Variants in CAMTA1 observed in about 807,000 individuals in gnomAD.
CAMTA1 encodes the protein calmodulin-binding transcription activator 1.
A neutral mutation model predicts 170.9 loss-of-function variants in CAMTA1; 27 were observed. The ratio of observed to expected loss-of-function variants is 0.16; its 90% CI spans 0.12 to 0.22. The LOEUF (loss-of-function observed/expected upper bound fraction) is 0.22, where lower values mean the gene tolerates loss of function less well. Ranked by LOEUF, CAMTA1 falls within the 10% of genes least tolerant of loss-of-function variation. The pLI is 1.00. For synonymous variants in CAMTA1, 833 were observed against 891.5 expected, an observed-to-expected ratio of 0.93 and a Z score of 1.17; for missense variants, 1,619 against 2,217.2, an observed-to-expected ratio of 0.73 and a Z score of 5.42.
chr1:6,822,471 G>A (rs1030569493), intron 2 of CAMTA1, among the ~76,000 whole-genome samples: 18 of 152,066 alleles, frequency 1.2e-4, no homozygotes, highest in African/African-American at 4.3e-4. Flanking sequence ...TCCTTATAAT[G>A]TAGTAGGAAA....
At chr1:7,204,712 T>C (rs560243430) in intron 4 of CAMTA1, among the ~76,000 whole-genome samples, 14 of 152,046 alleles carry the variant, frequency 9.2e-5, no homozygotes, top group African/African-American at 3.4e-4. Flanking sequence ...TTGCCAATAT[T>C]CTATCTAGTT....
rs2095305580 is a variant in CAMTA1 at position 7,585,859 on chromosome 1, C to T, written c.511-54541C>T. Among the ~76,000 whole-genome samples, 1 of 151,980 alleles carries T rather than the reference C, an allele frequency of 6.6e-6. No homozygotes were observed. The highest frequency in any genetic ancestry group is 6.5e-5 in the Admixed American group (1 of 15,286). On this transcript the variant is annotated intron_variant, in intron 6 of 22. Transcript: ENST00000303635. The surrounding 1 kb of genome is among the most constrained non-coding windows in gnomAD (Gnocchi z 4.8). ...ACTCAGCCCCCACCTCCCCTGCCTC[C>T]CACCTCCCCTCTCGATGCGGCTTTC... is the stretch of plus-strand genomic sequence containing the variant.
chr1:7,291,807 C>T (rs1673178720), intron 5 of CAMTA1, among the ~76,000 whole-genome samples: 1 of 152,228 alleles, frequency 6.6e-6, no homozygotes. Context: ...CATTTGGCTT[C>T]TTAGCTGAAA....
chr1:6,878,516 T>C (rs970561892), intron 3 of CAMTA1, among the ~76,000 whole-genome samples: 7 of 152,258 alleles, frequency 4.6e-5, no homozygotes, highest in African/African-American at 1.7e-4. Flanking sequence ...AAGTGACTTG[T>C]ACCTGCCTGC....
intron 4 of CAMTA1, among the ~76,000 whole-genome samples, chr1:7,137,647 C>T (rs1027867643): frequency 6.6e-6 from 1 of 152,200 alleles, no homozygotes; most frequent in Non-Finnish European, 1.5e-5. Context: ...AAGCTTGAAC[C>T]CTGCACTCCT....
intron 5 of CAMTA1, among the ~76,000 whole-genome samples, chr1:7,392,573 A>AT (rs1156299348): frequency 1.1e-4 from 8 of 71,938 alleles, no homozygotes; most frequent in African/African-American, 2.3e-4. Context: ...CATCTTTACA[A>AT]TTTTTTTTTA....
intron 4 of CAMTA1, among the ~76,000 whole-genome samples, chr1:7,122,053 G>A (rs1644674021): frequency 1.3e-5 from 2 of 152,022 alleles, no homozygotes; most frequent in East Asian, 1.9e-4. Context: ...GCAGGGATGG[G>A]CTTGAGGCTG....
chr1:7,433,129 C>T (rs528968523), intron 5 of CAMTA1, among the ~76,000 whole-genome samples: 2 of 152,360 alleles, frequency 1.3e-5, no homozygotes, highest in African/African-American at 4.8e-5. Context: ...TTGCCTGCCT[C>T]CTGCTCATGG....
At chr1:7,691,790 G>A (rs771730272) in intron 11 of CAMTA1, among the ~76,000 whole-genome samples, 7 of 152,206 alleles carry the variant, frequency 4.6e-5, no homozygotes, top group South Asian at 2.1e-4. Context: ...CTGCGTGGAG[G>A]TGGCACTGAA....
chr1:7,684,623 C>T (rs151253727), intron 11 of CAMTA1, among the ~76,000 whole-genome samples: 16 of 152,324 alleles, frequency 1.1e-4, no homozygotes, highest in Non-Finnish European at 1.3e-4. Flanking sequence ...TGTGTCCCTA[C>T]TTTCTTTTAA....
chr1:6,880,815 T>C (rs766354099), intron 3 of CAMTA1, among the ~76,000 whole-genome samples: 1 of 152,202 alleles, frequency 6.6e-6, no homozygotes, highest in Admixed American at 6.5e-5. Context: ...TAAATACTTA[T>C]TGAATACCGA....
intron 5 of CAMTA1, among the ~76,000 whole-genome samples, chr1:7,329,242 G>A (rs2082876742): frequency 6.6e-6 from 1 of 151,828 alleles, no homozygotes. Flanking sequence ...TAATTATGTT[G>A]GAGTTACAAA....
intron 3 of CAMTA1, among the ~76,000 whole-genome samples, chr1:6,946,185 CTTCTTTTTTTTTTT>C (rs1687542735): frequency 7.9e-6 from 1 of 126,232 alleles, no homozygotes; most frequent in Non-Finnish European, 1.6e-5. Flanking sequence ...CTTTCTTTCT[CTTCTTTTTTTTTTT>C]TTCTTTTTTT....
Position 7,766,570 on chromosome 1 carries a change from A to C in CAMTA1, c.*79A>C, listed in dbSNP as rs1219647826. The C allele has an allele frequency of 1.5e-6, 2 of 1,299,814 alleles. No homozygotes were observed. The allele number at this position is 1,299,814 out of a possible 1,614,324, so 80.5% of individuals were successfully genotyped here. On this transcript the variant is annotated 3_prime_UTR_variant, in exon 23 of 23. Transcript: ENST00000303635. ...ATTTCTGTTTTTAGCAGAGACATGC[A>C]ACAACAACACACACGCACACACGCA...
At position 6,919,818 on chromosome 1, in the gene CAMTA1, G is replaced by A. The variant is rs190609215; in HGVS notation, c.234+94608G>A. ...GGAAACTCCCCCTTATAATACTGTC[G>A]GATCTCAGGAGACTTATTCGCTATT... On this transcript the variant is annotated intron_variant, in intron 3 of 22. Coordinates refer to ENST00000303635, the MANE Select transcript of CAMTA1 (RefSeq NM_015215.4). 3.3e-5 allele frequency among the ~76,000 whole-genome samples: 5 copies of A among 152,200 alleles called. No individual in the cohort carries two copies. The East Asian group carries it at 7.7e-4, about 24-fold the overall frequency.
At chr1:7,147,187 G>A (rs1220653262) in intron 4 of CAMTA1, among the ~76,000 whole-genome samples, 2 of 151,900 alleles carry the variant, frequency 1.3e-5, no homozygotes, top group Non-Finnish European at 1.5e-5. Context: ...TTGGGAGGCC[G>A]AGGTGGGCAG....
At chr1:7,720,480 C>G (rs768143072) in intron 11 of CAMTA1, among the ~76,000 whole-genome samples, 1 of 152,098 alleles carries the variant, frequency 6.6e-6, no homozygotes, top group East Asian at 1.9e-4. Flanking sequence ...CTCCCAGGTT[C>G]AAGCAATTCT....
rs2095704905 is a variant in CAMTA1, at chr1:7,635,549, C to T, written c.511-4851C>T. Among the ~76,000 whole-genome samples the T allele has an allele frequency of 2.0e-5, 3 of 149,558 alleles. No individual in the cohort carries two copies. Among genetic ancestry groups the T allele is most frequent in the Admixed American group, 6.7e-5 (1 of 14,938 alleles). ...GCGTGAACCCGGGAGGCGGAGGTTG[C>T]AGTGAGCCGAGATCGCGCCACTGCA... On this transcript the variant is annotated intron_variant, in intron 6 of 22. Coordinates refer to ENST00000303635, the MANE Select transcript of CAMTA1 (RefSeq NM_015215.4). The surrounding 1 kb of genome is among the most constrained non-coding windows in gnomAD (Gnocchi z 4.4).
chr1:7,754,670 A>G (rs1343061629), intron 21 of CAMTA1, among the ~76,000 whole-genome samples: 2 of 152,230 alleles, frequency 1.3e-5, no homozygotes, highest in Admixed American at 1.3e-4. Flanking sequence ...GATGGATAAC[A>G]AGAAGGTTCA....
Sources: allele counts gnomAD v4.1 joint callset (sites outside exome capture counted in the v4.1 genomes callset), GRCh38; gene constraint gnomAD v4.1.1; non-coding constraint Gnocchi (gnomAD v3.1); transcripts MANE v1.5; gene names NCBI Gene and HGNC (gene_info 2026-07-23, HGNC 2026-07-21).